PPP2R5A: variants seen among roughly 807,000 people sequenced by gnomAD.
PPP2R5A encodes the protein protein phosphatase 2 regulatory subunit B'alpha, also known as serine/threonine-protein phosphatase 2A 56 kDa regulatory subunit alpha isoform.
PPP2R5A carries 25 observed loss-of-function variants against 64.2 expected under a neutral mutation model. The observed-to-expected ratio is 0.39, with a 90% CI of 0.28 to 0.54. The LOEUF (loss-of-function observed/expected upper bound fraction) is 0.54, where lower values mean the gene tolerates loss of function less well. Among genes scored for constraint, PPP2R5A ranks in the 20% least tolerant of loss-of-function variants. The probability of loss-of-function intolerance (pLI) is 0.67; values close to 1 mark genes in which losing one functional copy is unlikely to be tolerated. For synonymous variants in PPP2R5A, 198 were observed against 201.2 expected, an observed-to-expected ratio of 0.98 and a Z score of 0.13; for missense variants, 425 against 576.3, an observed-to-expected ratio of 0.74 and a Z score of 2.69.
At chr1:212,321,338 T>C (rs556774690) in intron 1 of PPP2R5A, among the ~76,000 whole-genome samples, 23,709 of 108,716 alleles carry the variant, frequency 0.22, 1,985 homozygotes, top group Middle Eastern at 0.43. Flanking sequence ...CCACCTCCCT[T>C]CCGGACGGGG....
chr1:212,302,866 T>G (rs1326463309), intron 1 of PPP2R5A, among the ~76,000 whole-genome samples: 1 of 152,218 alleles, frequency 6.6e-6, no homozygotes, highest in African/African-American at 2.4e-5. Flanking sequence ...ATAGGCTTCT[T>G]TCATTCACTT....
chr1:212,316,211 C>T (rs756784166), intron 1 of PPP2R5A, among the ~76,000 whole-genome samples: 18 of 152,140 alleles, frequency 1.2e-4, no homozygotes, highest in Non-Finnish European at 2.6e-4. Flanking sequence ...ATGTTGAAAG[C>T]TGTGATTGGC....
At chr1:212,323,234 A>G (rs985736290) in intron 1 of PPP2R5A, among the ~76,000 whole-genome samples, 1 of 152,238 alleles carries the variant, frequency 6.6e-6, no homozygotes, top group Non-Finnish European at 1.5e-5. Context: ...TGATAGCATT[A>G]CTTTCTGTGT....
intron 1 of PPP2R5A, among the ~76,000 whole-genome samples, chr1:212,320,729 G>A (rs1659263543): frequency 7.1e-6 from 1 of 141,634 alleles, no homozygotes. Flanking sequence ...TGGCCGGGCA[G>A]AGGGGCTCCT....
chr1:212,325,184 C>G (rs1156634513), intron 1 of PPP2R5A, among the ~76,000 whole-genome samples: 1 of 152,106 alleles, frequency 6.6e-6, no homozygotes, highest in East Asian at 1.9e-4. Flanking sequence ...AAAGAAACAT[C>G]TGTTGAATAT....
intron 1 of PPP2R5A, among the ~76,000 whole-genome samples, chr1:212,316,758 T>TATGG (rs1488419847): frequency 1.3e-5 from 2 of 152,086 alleles, no homozygotes; most frequent in Non-Finnish European, 2.9e-5. Context: ...CATTAATATG[T>TATGG]ATGGATAAAC....
chr1:212,340,357 A>AT (rs1475198008), intron 3 of PPP2R5A, among the ~76,000 whole-genome samples: 5 of 152,092 alleles, frequency 3.3e-5, no homozygotes, highest in African/African-American at 1.2e-4. Context: ...ACATAATATA[A>AT]TTTTTGTGTA....
intron 1 of PPP2R5A, among the ~76,000 whole-genome samples, chr1:212,323,046 A>G (rs1046410058): frequency 6.6e-6 from 1 of 152,198 alleles, no homozygotes; most frequent in African/African-American, 2.4e-5. Context: ...TCAGCCTCCC[A>G]AAGTGCTGGG....
At position 212,348,484 on chromosome 1, in the gene PPP2R5A, T is replaced by C. The variant is rs563230469; in HGVS notation, c.860T>C (p.Leu287Ser). Residue 287 changes from leucine to serine, a missense_variant, in exon 7 of 13, where the codon TTG becomes TCG. Physicochemically the swap from Leu to Ser is moderately radical, Grantham distance 145. Around this residue, in one of 4 missense-constraint regions of PPP2R5A, gnomAD observed 177 missense variants for 244.8 expected, o/e 0.72. Coordinates refer to ENST00000261461, the MANE Select transcript of PPP2R5A (RefSeq NM_006243.4). ...ATGCATACTGCAAAAGGATTAGCTT[T>C]GTTTCATGCTCAGGTAAGTTTCAGA... ...IPMHTAKGLALFHAQLAYCVV... is the reference protein window; with the variant it reads ...IPMHTAKGLASFHAQLAYCVV... The C allele has an allele frequency of 1.1e-5, 17 of 1,585,496 alleles. No individual in the cohort carries two copies. In the Middle Eastern group the frequency reaches 5.0e-4, roughly 47 times the overall value.
At chr1:212,353,180 A>C (rs996143532) in intron 8 of PPP2R5A, among the ~76,000 whole-genome samples, 4 of 152,222 alleles carry the variant, frequency 2.6e-5, no homozygotes, top group Non-Finnish European at 4.4e-5. Context: ...TGAGAGCCTC[A>C]GTTCCTGGCT....
intron 1 of PPP2R5A, among the ~76,000 whole-genome samples, chr1:212,288,569 C>T (rs1658546755): frequency 6.6e-6 from 1 of 152,002 alleles, no homozygotes; most frequent in Non-Finnish European, 1.5e-5. Context: ...GGATTACAAA[C>T]TAATAGGAAC....
intron 1 of PPP2R5A, among the ~76,000 whole-genome samples, chr1:212,319,976 A>G (rs1036272000): frequency 1.0e-5 from 1 of 95,710 alleles, no homozygotes; most frequent in African/African-American, 4.2e-5. Flanking sequence ...TTTATTGATC[A>G]TTCTTGGGTG....
chr1:212,309,510 C>A (rs351380), intron 1 of PPP2R5A: 1 of 762,208 alleles, frequency 1.3e-6, no homozygotes, highest in Non-Finnish European at 2.4e-6. Flanking sequence ...TCTTCGCTTT[C>A]GGCGCCATCT....
chr1:212,322,910 C>T lies in PPP2R5A; in HGVS notation c.182-6225C>T, dbSNP rs190696024. Among the ~76,000 whole-genome samples the T allele has an allele frequency of 1.6e-4, 24 of 152,174 alleles. 1 individual carries two copies. The highest frequency in any genetic ancestry group is 5.5e-4 in the African/African-American group (23 of 41,520). On this transcript the variant is annotated intron_variant, in intron 1 of 12. Coordinates refer to ENST00000261461, the MANE Select transcript of PPP2R5A (RefSeq NM_006243.4). ...ACACCATTCTCCTGCCTCAGCCTCC[C>T]GAGTAGCTGGGACTGCAGGTGCCTG... is the stretch of plus-strand genomic sequence containing the variant.
At chr1:212,289,696 A>G (rs1405419335) in intron 1 of PPP2R5A, among the ~76,000 whole-genome samples, 2 of 152,170 alleles carry the variant, frequency 1.3e-5, no homozygotes, top group Admixed American at 1.3e-4. Context: ...TAAGTGCCTA[A>G]AAATAGGCAA....
chr1:212,346,489 T>C (rs1405227341), intron 5 of PPP2R5A, among the ~76,000 whole-genome samples: 2 of 152,090 alleles, frequency 1.3e-5, no homozygotes, highest in Non-Finnish European at 2.9e-5. Flanking sequence ...TCCTCCTGTA[T>C]ACTTTATTTC....
rs752321990 is a variant in PPP2R5A at position 212,347,320 on chromosome 1, T to C, written c.705-27T>C. The stretch of plus-strand genomic sequence containing the variant: ...TAGTTTTCTGAAGTTTGATTTTGAT[T>C]ACATCTTGTCTTTATTTTAAATTCA... On this transcript the variant is annotated intron_variant, in intron 5 of 12. Transcript: ENST00000261461. 2.0e-6 allele frequency: 3 copies of C among 1,489,304 alleles called. No individual in the cohort carries two copies. In the Admixed American group the frequency reaches 5.4e-5, roughly 27 times the overall value. 92.3% of individuals were successfully genotyped at this position (1,489,304 alleles called of 1,614,324 possible).
In PPP2R5A at chr1:212,285,898, G is replaced by A; in HGVS notation, c.-213G>A. ...CAGCCCCGGGAGCTCGCCGCGCGCCGGGGACCAGGAACCTCCAGCGCTGAG... is the reference window on the plus strand; with the variant it reads ...CAGCCCCGGGAGCTCGCCGCGCGCCAGGGACCAGGAACCTCCAGCGCTGAG... On this transcript the variant is annotated 5_prime_UTR_variant, in exon 1 of 13. Transcript: ENST00000261461. 4.7e-6 allele frequency: 2 copies of A among 423,302 alleles called. No individual in the cohort carries two copies. The highest frequency in any genetic ancestry group is 8.0e-6 in the Non-Finnish European group (2 of 249,296). 26.2% of individuals were successfully genotyped at this position (423,302 alleles called of 1,614,324 possible).
intron 1 of PPP2R5A, among the ~76,000 whole-genome samples, chr1:212,286,502 T>A (rs1658505528): frequency 6.6e-6 from 1 of 152,138 alleles, no homozygotes; most frequent in Non-Finnish European, 1.5e-5. Context: ...TCCTTCTAAT[T>A]CCCACCTGAA....
Sources: allele counts gnomAD v4.1 joint callset (sites outside exome capture counted in the v4.1 genomes callset), GRCh38; gene constraint gnomAD v4.1.1; regional missense constraint gnomAD v4.1.1; transcripts MANE v1.5; gene names NCBI Gene and HGNC (gene_info 2026-07-23, HGNC 2026-07-21).